Variants in LRRTM4 observed in about 807,000 individuals in gnomAD.
LRRTM4 encodes leucine rich repeat transmembrane neuronal 4.
A neutral mutation model predicts 47.6 loss-of-function variants in LRRTM4; 25 were observed. That is an observed-to-expected ratio of 0.53 (90% CI 0.38 to 0.73). The LOEUF is 0.73. Among genes scored for constraint, LRRTM4 ranks in the 30% least tolerant of loss-of-function variants. The pLI, the probability that LRRTM4 is intolerant of heterozygous loss-of-function variation, is 0.00. For missense variants in LRRTM4, 638 were observed against 713.4 expected (o/e 0.89, Z 1.20); for synonymous variants, 311 against 269.5 (o/e 1.15, Z -1.51).
chr2:77,239,033 A>G (rs916308333), intron 3 of LRRTM4, among the ~76,000 whole-genome samples: 9 of 151,870 alleles, frequency 5.9e-5, no homozygotes, highest in African/African-American at 1.7e-4. Flanking sequence ...AAAAAATACT[A>G]TAATATCAAA....
intron 3 of LRRTM4, among the ~76,000 whole-genome samples, chr2:76,816,151 A>G (rs1670890110): frequency 6.6e-6 from 1 of 152,072 alleles, no homozygotes. Flanking sequence ...CTGGTATCAG[A>G]CAGAATCTGA....
At chr2:77,256,918 A>G (rs967499901) in intron 3 of LRRTM4, among the ~76,000 whole-genome samples, 11 of 152,252 alleles carry the variant, frequency 7.2e-5, no homozygotes, top group Middle Eastern at 3.4e-3. Flanking sequence ...CTTAACAAGT[A>G]ATATATAAAA....
chr2:76,928,278 G>A (rs1674653901), intron 3 of LRRTM4, among the ~76,000 whole-genome samples: 1 of 152,100 alleles, frequency 6.6e-6, no homozygotes, highest in Non-Finnish European at 1.5e-5. Flanking sequence ...TATTTTGACT[G>A]TCAGTTCTCT....
intron 3 of LRRTM4, among the ~76,000 whole-genome samples, chr2:77,502,025 G>C (rs1250596690): frequency 2.0e-5 from 3 of 151,254 alleles, no homozygotes; most frequent in African/African-American, 7.3e-5. Context: ...AATGACATAA[G>C]TGCAAACATT....
chr2:77,435,724 A>G (rs1370574932), intron 3 of LRRTM4, among the ~76,000 whole-genome samples: 2 of 152,252 alleles, frequency 1.3e-5, no homozygotes, highest in East Asian at 1.9e-4. Context: ...ACGTTCCTCA[A>G]TTCAAGATGT....
Position 77,522,265 on chromosome 2 carries a change from A to C in LRRTM4, c.-304T>G. ...TTTATCCATTTAGCTGGTCAGGTTT[A>C]AAGTGTTTTGTAGCTGTGCTGGGAG... On this transcript the variant is annotated 5_prime_UTR_variant, in exon 1 of 4. Coordinates refer to ENST00000409884, the MANE Select transcript of LRRTM4 (RefSeq NM_001134745.3). 1 of 597,876 alleles carries C rather than the reference A, an allele frequency of 1.7e-6. No homozygotes were observed. Among genetic ancestry groups the C allele is most frequent in the Non-Finnish European group, 3.0e-6 (1 of 331,800 alleles). 37.0% of individuals were successfully genotyped at this position (597,876 alleles called of 1,614,324 possible). A position where few individuals can be genotyped will look rare whatever the true frequency, so the allele number is the denominator to read the frequency against.
intron 3 of LRRTM4, among the ~76,000 whole-genome samples, chr2:77,045,580 T>G (rs781279835): frequency 1.3e-5 from 2 of 151,904 alleles, no homozygotes; most frequent in Non-Finnish European, 2.9e-5. Context: ...GTGTTTCCTG[T>G]GCTACTCTCC....
intron 3 of LRRTM4, among the ~76,000 whole-genome samples, chr2:77,003,725 C>T (rs1408063591): frequency 2.0e-5 from 3 of 152,018 alleles, no homozygotes; most frequent in East Asian, 3.9e-4. Flanking sequence ...GGTAGTGGGA[C>T]ACTGCTGTAA....
At chr2:77,093,572 T>C (rs1232875395) in intron 3 of LRRTM4, among the ~76,000 whole-genome samples, 1 of 151,702 alleles carries the variant, frequency 6.6e-6, no homozygotes, top group Non-Finnish European at 1.5e-5. Context: ...ACATCGCCCA[T>C]TCTCTCTCCA....
At chr2:77,341,012 A>G (rs1671352837) in intron 3 of LRRTM4, among the ~76,000 whole-genome samples, 1 of 151,906 alleles carries the variant, frequency 6.6e-6, no homozygotes, top group Non-Finnish European at 1.5e-5. Context: ...TCTACCAGAG[A>G]AATGAAATCC....
At chr2:77,509,215 G>A (rs1283309734) in intron 3 of LRRTM4, among the ~76,000 whole-genome samples, 1 of 131,608 alleles carries the variant, frequency 7.6e-6, no homozygotes, top group Non-Finnish European at 1.6e-5. Flanking sequence ...CTGGGCAACA[G>A]AGTGAGACTC....
rs200786753 is a variant in LRRTM4, at chr2:77,395,764, C to CT, written c.1551+122553dup. On this transcript the variant is annotated intron_variant, in intron 3 of 3. Transcript: ENST00000409884. ...CAGAGTCATTTTTGAAATATCTATG[C>CT]TTTAAGTCCACTGGACCAAAGCCTT... Among the ~76,000 whole-genome samples the CT allele has an allele frequency of 7.9e-3, 1,197 of 152,038 alleles. 45 individuals carry two copies. The highest frequency in any genetic ancestry group is 0.064 in the Admixed American group (969 of 15,218).
At chr2:76,988,242 T>A (rs1227951830) in intron 3 of LRRTM4, among the ~76,000 whole-genome samples, 2 of 151,824 alleles carry the variant, frequency 1.3e-5, no homozygotes. Flanking sequence ...AGGTAAAGGC[T>A]CAACTCGATA....
At chr2:77,363,922 G>A (rs1234909728) in intron 3 of LRRTM4, among the ~76,000 whole-genome samples, 1 of 151,880 alleles carries the variant, frequency 6.6e-6, no homozygotes, top group African/African-American at 2.4e-5. Context: ...GTACTTTTTG[G>A]CATAATGGAA....
intron 3 of LRRTM4, among the ~76,000 whole-genome samples, chr2:76,931,059 A>T (rs1674752798): frequency 6.6e-6 from 1 of 152,146 alleles, no homozygotes; most frequent in Admixed American, 6.6e-5. Context: ...AATTTGTTTT[A>T]CAGCAGTTAT....
chr2:76,942,705 T>TGTGTG (rs1558753144), intron 3 of LRRTM4, among the ~76,000 whole-genome samples: 2 of 151,770 alleles, frequency 1.3e-5, no homozygotes, highest in South Asian at 2.1e-4. Flanking sequence ...TGTGTGTGTG[T>TGTGTG]TTAAATCTGT....
chr2:77,127,457 T>C (rs1671677838), intron 3 of LRRTM4, among the ~76,000 whole-genome samples: 1 of 152,190 alleles, frequency 6.6e-6, no homozygotes, highest in Non-Finnish European at 1.5e-5. Flanking sequence ...GATCCTTGGC[T>C]TTTGATATTC....
chr2:77,031,553 C>T lies in LRRTM4; in HGVS notation c.1552-282637G>A, dbSNP rs533273524. ...CAAAGACTGTAGATGATGGGTTACT[C>T]GGGGAGTGAGATATATTAGAGAGTC... On this transcript the variant is annotated intron_variant, in intron 3 of 3. Transcript: ENST00000409884. 1.2e-4 allele frequency among the ~76,000 whole-genome samples: 19 copies of T among 152,130 alleles called. No individual in the cohort carries two copies. In the East Asian group the frequency reaches 2.3e-3, roughly 19 times the overall value.
rs367763450 is a variant in LRRTM4, at chr2:77,430,634, T to A, written c.1551+87684A>T. On this transcript the variant is annotated intron_variant, in intron 3 of 3. Transcript: ENST00000409884. Reference sequence around the variant, plus strand: ...TACTTGGGAGGCTGAGGCAGGAGAATCACTTGAACCCAGGAGGCGGAGGTT... The same window carrying A: ...TACTTGGGAGGCTGAGGCAGGAGAAACACTTGAACCCAGGAGGCGGAGGTT... 3.5e-4 allele frequency among the ~76,000 whole-genome samples: 51 copies of A among 146,912 alleles called. No homozygotes were observed. In the East Asian group the frequency reaches 5.7e-3, roughly 16 times the overall value.
Sources: gnomAD v4.1 joint callset for allele counts (sites outside exome capture counted in the v4.1 genomes callset) on GRCh38, gnomAD v4.1.1 for gene constraint, MANE v1.5 for transcripts, NCBI Gene and HGNC (gene_info 2026-07-23, HGNC 2026-07-21) for gene names.